Variants in MPP7 observed in about 807,000 individuals in gnomAD.
MPP7 encodes the protein MAGUK p55 subfamily member 7.
In MPP7, 60 loss-of-function variants were observed where a neutral mutation model predicts 76.5. The ratio of observed to expected loss-of-function variants is 0.78; its 90% confidence interval spans 0.64 to 0.97. The LOEUF (loss-of-function observed/expected upper bound fraction) is 0.97. MPP7 is among the 50% of genes least tolerant of loss of function. The pLI is 0.00. For missense variants in MPP7, 641 were observed against 694.0 expected, an observed-to-expected ratio of 0.92 and a Z score of 0.86; for synonymous variants, 237 against 244.5, an observed-to-expected ratio of 0.97 and a Z score of 0.29.
At chr10:28,135,285 A>C (rs1422161052) in intron 5 of MPP7, among the ~76,000 whole-genome samples, 1 of 152,182 alleles carries the variant, frequency 6.6e-6, no homozygotes, top group Non-Finnish European at 1.5e-5. Flanking sequence ...CAGATACAGA[A>C]TTTGGGAGAT....
At chr10:28,120,757 AT>A in intron 8 of MPP7, 89 bp from the exon 9 acceptor site, 2 of 1,000,938 alleles carry the variant, frequency 2.0e-6, no homozygotes, top group Non-Finnish European at 3.1e-6. Context: ...GCATCTGAAA[AT>A]TTACAAGCTT....
intron 2 of MPP7, among the ~76,000 whole-genome samples, chr10:28,232,517 G>C (rs1290509757): frequency 6.6e-6 from 1 of 152,142 alleles, no homozygotes; most frequent in Non-Finnish European, 1.5e-5. Context: ...ATGGAGGTGT[G>C]CTAGGGAGTT....
intron 2 of MPP7, among the ~76,000 whole-genome samples, chr10:28,210,365 CGTAT>C (rs1361007375): frequency 3.9e-5 from 6 of 152,146 alleles, no homozygotes; most frequent in African/African-American, 1.2e-4. Context: ...CATGTGTGTA[CGTAT>C]GTGTGTGGGG....
At chr10:28,110,176 C>T (rs761385596) in intron 11 of MPP7, among the ~76,000 whole-genome samples, 7 of 151,648 alleles carry the variant, frequency 4.6e-5, no homozygotes, top group Admixed American at 2.0e-4. Flanking sequence ...CTGCAACCTC[C>T]GCTCCTGAGT....
At chr10:28,120,443 T>A in intron 9 of MPP7, 53 bp from the exon 10 acceptor site, 1 of 1,541,826 alleles carries the variant, frequency 6.5e-7, no homozygotes, top group Non-Finnish European at 8.9e-7. Flanking sequence ...AAATGTGAAA[T>A]GGCCTATATT....
At chr10:28,206,835 T>A (rs1383005628) in intron 2 of MPP7, among the ~76,000 whole-genome samples, 1 of 152,160 alleles carries the variant, frequency 6.6e-6, no homozygotes, top group East Asian at 1.9e-4. Flanking sequence ...ACTCTTTAAG[T>A]ATCTTTAACG....
intron 1 of MPP7, among the ~76,000 whole-genome samples, chr10:28,278,878 C>T (rs7905490): frequency 0.3 from 44,988 of 149,468 alleles, 7,605 homozygotes; most frequent in East Asian, 0.6. Flanking sequence ...TCATTTATTG[C>T]GTTCTCTTTG....
chr10:28,226,357 A>G (rs1838691282), intron 2 of MPP7, among the ~76,000 whole-genome samples: 1 of 151,790 alleles, frequency 6.6e-6, no homozygotes, highest in African/African-American at 2.4e-5. Flanking sequence ...AGCTATTCTC[A>G]TGCCTCAGCC....
chr10:28,077,777 G>A (rs985667441), intron 12 of MPP7, among the ~76,000 whole-genome samples: 1 of 152,152 alleles, frequency 6.6e-6, no homozygotes, highest in African/African-American at 2.4e-5. Flanking sequence ...TCTGTAGTTC[G>A]TTTTCAGCTG....
intron 2 of MPP7, among the ~76,000 whole-genome samples, chr10:28,234,356 T>C (rs1007255819): frequency 2.6e-5 from 4 of 152,154 alleles, no homozygotes; most frequent in Non-Finnish European, 5.9e-5. Context: ...AATGACTGAA[T>C]AAATTAATAA....
chr10:28,069,395 G>C (rs1852119189), intron 13 of MPP7, among the ~76,000 whole-genome samples: 1 of 152,050 alleles, frequency 6.6e-6, no homozygotes. Context: ...ACAAGGTCAA[G>C]AGATCAAGAC....
chr10:28,152,935 C>T (rs1835929656), intron 3 of MPP7, among the ~76,000 whole-genome samples: 1 of 135,982 alleles, frequency 7.4e-6, no homozygotes, highest in African/African-American at 2.9e-5. Flanking sequence ...TACACATTTC[C>T]CTTTGCAGAT....
chr10:28,202,405 T>C, intron 2 of MPP7, 134 bp from the exon 3 acceptor site: 1 of 599,342 alleles, frequency 1.7e-6, no homozygotes. Flanking sequence ...GCTAAACACT[T>C]CTCCAAAGAA....
At chr10:28,297,996 C>T (rs1841073713) in intron 1 of MPP7, among the ~76,000 whole-genome samples, 2 of 152,210 alleles carry the variant, frequency 1.3e-5, no homozygotes, top group Non-Finnish European at 2.9e-5. Context: ...AAGATTGCAG[C>T]AATTCAGTCA....
At chr10:28,182,979 G>C (rs953454244) in intron 3 of MPP7, among the ~76,000 whole-genome samples, 2 of 152,210 alleles carry the variant, frequency 1.3e-5, no homozygotes, top group East Asian at 3.9e-4. Flanking sequence ...TCAGGAGGCT[G>C]AGGCAAGAGA....
chr10:28,054,490 G>T (rs1053594689), intron 16 of MPP7, among the ~76,000 whole-genome samples: 3 of 152,138 alleles, frequency 2.0e-5, no homozygotes, highest in African/African-American at 7.2e-5. Flanking sequence ...TGCCTTAACT[G>T]AATTGCAGGA....
intron 1 of MPP7, among the ~76,000 whole-genome samples, chr10:28,296,642 G>C (rs1841043040): frequency 6.6e-6 from 1 of 152,132 alleles, no homozygotes; most frequent in Admixed American, 6.5e-5. Context: ...AAACAAGCCT[G>C]ACAAATAGCT....
At chr10:28,253,500 G>A (rs1383281510) in intron 1 of MPP7, among the ~76,000 whole-genome samples, 13 of 152,296 alleles carry the variant, frequency 8.5e-5, no homozygotes, top group Admixed American at 6.5e-4. Flanking sequence ...TAACAAATCT[G>A]TGCTAACACT....
chr10:28,114,625 C>T, intron 11 of MPP7, among the ~76,000 whole-genome samples: 1 of 152,166 alleles, frequency 6.6e-6, no homozygotes, highest in East Asian at 1.9e-4. Context: ...CTATTATTCA[C>T]ATGGGCAAGG....
Sources: gnomAD v4.1 joint callset for allele counts (sites outside exome capture counted in the v4.1 genomes callset) on GRCh38, gnomAD v4.1.1 for gene constraint, MANE v1.5 for transcripts, NCBI Gene and HGNC (gene_info 2026-07-23, HGNC 2026-07-21) for gene names.